The following DOCK3 variants were observed in gnomAD, a reference collection of about 807,000 sequenced individuals.
DOCK3 encodes the protein dedicator of cytokinesis 3.
In DOCK3, 60 loss-of-function variants were observed where a neutral mutation model predicts 265.6. The ratio of observed to expected loss-of-function variants is 0.23; its 90% CI spans 0.18 to 0.28. The LOEUF is 0.28. Ranked by LOEUF, DOCK3 falls within the 10% of genes least tolerant of loss-of-function variation. The pLI is 1.00. For missense variants in DOCK3, 1,981 were observed against 2,594.3 expected (o/e 0.76, Z 5.14); for synonymous variants, 881 against 938.0 (o/e 0.94, Z 1.11).
At chr3:51,008,057 A>G (rs1207155257) in intron 5 of DOCK3, among the ~76,000 whole-genome samples, 1 of 152,144 alleles carries the variant, frequency 6.6e-6, no homozygotes, top group Admixed American at 6.5e-5. Context: ...AGGTAGCATG[A>G]TGCCTCCAGC....
At chr3:50,772,550 G>A (rs963060486) in intron 1 of DOCK3, among the ~76,000 whole-genome samples, 2 of 152,024 alleles carry the variant, frequency 1.3e-5, no homozygotes, top group Non-Finnish European at 2.9e-5. Context: ...AAAACATCCC[G>A]TGTATACCAT....
intron 27 of DOCK3, among the ~76,000 whole-genome samples, chr3:51,308,692 AC>A (rs2082852662): frequency 6.6e-6 from 1 of 151,910 alleles, no homozygotes; most frequent in Non-Finnish European, 1.5e-5. Flanking sequence ...ATTCCACAAA[AC>A]CGCCATTGTC....
chr3:50,946,806 G>A (rs1399798348), intron 5 of DOCK3, among the ~76,000 whole-genome samples: 2 of 152,094 alleles, frequency 1.3e-5, no homozygotes, highest in Admixed American at 1.3e-4. Context: ...TCTCTTTTTA[G>A]TTTTGGGTAA....
At chr3:51,303,416 T>G (rs2082466064) in intron 27 of DOCK3, among the ~76,000 whole-genome samples, 1 of 152,206 alleles carries the variant, frequency 6.6e-6, no homozygotes, top group African/African-American at 2.4e-5. Flanking sequence ...TTCTGTCAAT[T>G]CATTCATCTC....
chr3:51,111,822 G>C (rs2083532099), intron 9 of DOCK3, among the ~76,000 whole-genome samples: 1 of 151,986 alleles, frequency 6.6e-6, no homozygotes, highest in African/African-American at 2.4e-5. Context: ...CCCGACAAAG[G>C]TCTAATATCC....
intron 32 of DOCK3, among the ~76,000 whole-genome samples, chr3:51,320,819 GC>G (rs1475401770): frequency 1.3e-5 from 2 of 152,318 alleles, no homozygotes; most frequent in Non-Finnish European, 2.9e-5. Context: ...AAAGGCAGCA[GC>G]CCCAGTCAGG....
chr3:50,926,009 T>G (rs919242516), intron 4 of DOCK3, among the ~76,000 whole-genome samples: 4 of 151,742 alleles, frequency 2.6e-5, no homozygotes, highest in African/African-American at 9.7e-5. Flanking sequence ...ACTTTTGTAT[T>G]TTTAGTAGAG....
intron 5 of DOCK3, among the ~76,000 whole-genome samples, chr3:51,052,996 A>G (rs958326991): frequency 1.6e-4 from 24 of 148,750 alleles, no homozygotes; most frequent in African/African-American, 5.4e-4. Flanking sequence ...TTTGTGACCC[A>G]TAGCAACCCA....
At chr3:50,700,077 G>A (rs938332309) in intron 1 of DOCK3, among the ~76,000 whole-genome samples, 5 of 151,996 alleles carry the variant, frequency 3.3e-5, no homozygotes, top group African/African-American at 9.7e-5. Flanking sequence ...TCATGAGTTC[G>A]AGACCAGTCT....
chr3:51,108,439 C>CT (rs1319589043), intron 9 of DOCK3, among the ~76,000 whole-genome samples: 2 of 152,174 alleles, frequency 1.3e-5, no homozygotes, highest in Non-Finnish European at 2.9e-5. Context: ...CATACACACA[C>CT]TTAGGTACAC....
At chr3:50,893,644 C>T (rs1477697878) in intron 4 of DOCK3, among the ~76,000 whole-genome samples, 2 of 151,748 alleles carry the variant, frequency 1.3e-5, no homozygotes, top group African/African-American at 4.8e-5. Context: ...CCAATATGCT[C>T]AATATGGAAT....
chr3:51,153,478 C>T (rs958707973), intron 10 of DOCK3, among the ~76,000 whole-genome samples: 8 of 152,174 alleles, frequency 5.3e-5, no homozygotes, highest in African/African-American at 1.9e-4. Flanking sequence ...AAGCGATGCC[C>T]CACACTGCTT....
intron 9 of DOCK3, among the ~76,000 whole-genome samples, chr3:51,093,968 G>A (rs919130658): frequency 4.6e-5 from 7 of 152,274 alleles, no homozygotes; most frequent in East Asian, 1.9e-4. Flanking sequence ...GATGGATTAC[G>A]TTTATTGATA....
chr3:51,336,409 G>A (rs980749678), intron 35 of DOCK3, among the ~76,000 whole-genome samples: 1 of 151,990 alleles, frequency 6.6e-6, no homozygotes, highest in Non-Finnish European at 1.5e-5. Flanking sequence ...GCTCAGAGTG[G>A]AACCTCTACC....
intron 9 of DOCK3, among the ~76,000 whole-genome samples, chr3:51,116,744 C>G (rs1283096536): frequency 6.6e-6 from 1 of 152,088 alleles, no homozygotes; most frequent in Non-Finnish European, 1.5e-5. Context: ...GGAGTTCACT[C>G]GTGATTTGGC....
chr3:51,268,880 C>T (rs1339458563), intron 23 of DOCK3, among the ~76,000 whole-genome samples: 1 of 152,058 alleles, frequency 6.6e-6, no homozygotes, highest in Non-Finnish European at 1.5e-5. Flanking sequence ...CTTTTTGATT[C>T]CCCTCCCACA....
chr3:50,860,501 C>T (rs892735550), intron 3 of DOCK3, among the ~76,000 whole-genome samples: 3 of 152,204 alleles, frequency 2.0e-5, no homozygotes, highest in Non-Finnish European at 2.9e-5. Flanking sequence ...TTGGGGTATA[C>T]TCAACTGGCT....
chr3:51,108,949 C>A (rs190334744), intron 9 of DOCK3, among the ~76,000 whole-genome samples: 265 of 152,298 alleles, frequency 1.7e-3, no homozygotes, highest in Admixed American at 7.1e-3. Context: ...GACTTCAACA[C>A]CCCACTTACA....
intron 49 of DOCK3, among the ~76,000 whole-genome samples, chr3:51,370,637 C>T (rs750692324): frequency 1.4e-4 from 22 of 152,240 alleles, no homozygotes; most frequent in Non-Finnish European, 2.9e-4. Context: ...AGGTGGTGCA[C>T]TATGTCAGTG....
Sources: allele counts gnomAD v4.1 joint callset (sites outside exome capture counted in the v4.1 genomes callset), GRCh38; gene constraint gnomAD v4.1.1; transcripts MANE v1.5; gene names NCBI Gene and HGNC (gene_info 2026-07-23, HGNC 2026-07-21).